Variants in CDKAL1 observed in about 807,000 individuals in gnomAD.
CDKAL1 encodes the protein CDKAL1 threonylcarbamoyladenosine tRNA methylthiotransferase.
A neutral mutation model predicts 68.2 loss-of-function variants in CDKAL1; 32 were observed. That is an observed-to-expected ratio of 0.47 (90% CI 0.35 to 0.63). The LOEUF (loss-of-function observed/expected upper bound fraction) is 0.63, where lower values mean the gene tolerates loss of function less well. Ranked by LOEUF, CDKAL1 falls within the 30% of genes least tolerant of loss-of-function variation. The pLI is 0.00. For missense variants in CDKAL1, 606 were observed against 696.7 expected (o/e 0.87, Z 1.47); for synonymous variants, 234 against 244.3 (o/e 0.96, Z 0.39).
intron 11 of CDKAL1, among the ~76,000 whole-genome samples, chr6:21,017,732 G>A (rs1768422983): frequency 2.0e-5 from 3 of 151,986 alleles, no homozygotes; most frequent in Admixed American, 2.0e-4. Flanking sequence ...TTATAAAATG[G>A]CTTGTTCTTC....
intron 8 of CDKAL1, among the ~76,000 whole-genome samples, chr6:20,838,008 A>G (rs1778023791): frequency 6.7e-6 from 1 of 149,924 alleles, no homozygotes; most frequent in Non-Finnish European, 1.5e-5. Flanking sequence ...TGATTTTTAT[A>G]TATGTATACA....
chr6:21,205,527 C>G (rs1778871308), intron 15 of CDKAL1, among the ~76,000 whole-genome samples: 1 of 145,026 alleles, frequency 6.9e-6, no homozygotes, highest in African/African-American at 2.7e-5. Context: ...ATGGGTCAAG[C>G]CTGTTTTGTT....
intron 8 of CDKAL1, among the ~76,000 whole-genome samples, chr6:20,814,653 C>T (rs1776967418): frequency 6.6e-6 from 1 of 152,214 alleles, no homozygotes; most frequent in African/African-American, 2.4e-5. Context: ...TTTTCCTTCA[C>T]TACTAAGTCA....
intron 9 of CDKAL1, 93 bp downstream of exon 9, chr6:20,846,271 T>C: frequency 1.5e-6 from 1 of 689,598 alleles, no homozygotes; most frequent in Non-Finnish European, 2.4e-6. Flanking sequence ...CCAACTTCTT[T>C]AGTTTTCTGA....
At chr6:20,711,130 G>T (rs1771824696) in intron 5 of CDKAL1, among the ~76,000 whole-genome samples, 1 of 152,112 alleles carries the variant, frequency 6.6e-6, no homozygotes, top group Admixed American at 6.5e-5. Flanking sequence ...AGAAGGAACA[G>T]GTAAAAAGCA....
intron 5 of CDKAL1, among the ~76,000 whole-genome samples, chr6:20,699,149 A>G (rs1030857488): frequency 1.3e-5 from 2 of 152,138 alleles, no homozygotes. Context: ...GATATTGAGC[A>G]ATATGTCAAA....
intron 8 of CDKAL1, among the ~76,000 whole-genome samples, chr6:20,825,828 G>A (rs1167413629): frequency 6.6e-6 from 1 of 152,034 alleles, no homozygotes; most frequent in Non-Finnish European, 1.5e-5. Context: ...TTCTAAATAT[G>A]GGTATGCTAC....
intron 9 of CDKAL1, among the ~76,000 whole-genome samples, chr6:20,934,689 GA>G (rs960878250): frequency 6.6e-6 from 1 of 151,348 alleles, no homozygotes; most frequent in Non-Finnish European, 1.5e-5. Context: ...TACAAAAACT[GA>G]AAAAAAATTA....
chr6:20,946,689 C>T (rs927768122), intron 9 of CDKAL1, among the ~76,000 whole-genome samples: 2 of 151,788 alleles, frequency 1.3e-5, no homozygotes, highest in African/African-American at 4.8e-5. Flanking sequence ...CCTCCACCTC[C>T]CGGGTTCAAG....
chr6:20,576,401 TGACTCC>T (rs544645506), intron 4 of CDKAL1, among the ~76,000 whole-genome samples: 481 of 152,332 alleles, frequency 3.2e-3, no homozygotes, highest in Non-Finnish European at 5.0e-3. Flanking sequence ...CAAGATGGCG[TGACTCC>T]TGGATATGGA....
At chr6:20,874,315 T>C (rs1760382377) in intron 9 of CDKAL1, among the ~76,000 whole-genome samples, 2 of 151,550 alleles carry the variant, frequency 1.3e-5, no homozygotes, top group Admixed American at 6.6e-5. Context: ...GTTTGTTTTT[T>C]TTTTGAGATG....
chr6:21,115,890 C>T (rs1774381102), intron 13 of CDKAL1, among the ~76,000 whole-genome samples: 1 of 152,180 alleles, frequency 6.6e-6, no homozygotes, highest in African/African-American at 2.4e-5. Context: ...TCTTCCCTCT[C>T]AAAGTGACCA....
chr6:20,990,269 A>G (rs1185204392), intron 10 of CDKAL1, among the ~76,000 whole-genome samples: 3 of 152,170 alleles, frequency 2.0e-5, no homozygotes, highest in Non-Finnish European at 4.4e-5. Flanking sequence ...GAAAAAAATA[A>G]AACACTGATA....
chr6:20,929,266 GT>G (rs954213848), intron 9 of CDKAL1, among the ~76,000 whole-genome samples: 2 of 152,250 alleles, frequency 1.3e-5, no homozygotes. Context: ...TGTCAGCTCA[GT>G]TTTTTTGGGG....
chr6:21,030,051 A>G (rs1424669176), intron 11 of CDKAL1, among the ~76,000 whole-genome samples: 2 of 152,236 alleles, frequency 1.3e-5, no homozygotes, highest in African/African-American at 2.4e-5. Flanking sequence ...CACTATTTAC[A>G]ATAGCAAAGA....
At chr6:20,834,032 C>T (rs1285953999) in intron 8 of CDKAL1, among the ~76,000 whole-genome samples, 8 of 152,152 alleles carry the variant, frequency 5.3e-5, no homozygotes, top group African/African-American at 1.2e-4. Flanking sequence ...GCATCTGATG[C>T]GTTCTCTAAG....
intron 13 of CDKAL1, among the ~76,000 whole-genome samples, chr6:21,183,525 C>CTTG (rs1777882028): frequency 1.3e-5 from 2 of 152,298 alleles, no homozygotes; most frequent in African/African-American, 4.8e-5. Context: ...AGCTCCAAGA[C>CTTG]AGTTTTCTAC....
intron 4 of CDKAL1, among the ~76,000 whole-genome samples, chr6:20,618,470 A>G (rs954766378): frequency 2.0e-5 from 3 of 152,072 alleles, no homozygotes; most frequent in Admixed American, 6.6e-5. Flanking sequence ...TTGCTGTTTT[A>G]GTCGTGAAGT....
chr6:20,803,203 G>T lies in CDKAL1; in HGVS notation c.638+21938G>T, dbSNP rs1393005377. 2.0e-5 allele frequency among the ~76,000 whole-genome samples: 3 copies of T among 152,206 alleles called. No homozygotes were observed. In the South Asian group the frequency reaches 6.2e-4, roughly 32 times the overall value. Reference sequence around the variant, plus strand: ...ACAAGGTAGAGGAACAGTGTTATTAGGAAGATTACCAACTCCTTAGGGTGG... The same window carrying T: ...ACAAGGTAGAGGAACAGTGTTATTATGAAGATTACCAACTCCTTAGGGTGG... On this transcript the variant is annotated intron_variant, in intron 8 of 15. Coordinates refer to ENST00000274695, the MANE Select transcript of CDKAL1 (RefSeq NM_017774.3).
Sources: gnomAD v4.1 joint callset for allele counts (sites outside exome capture counted in the v4.1 genomes callset) on GRCh38, gnomAD v4.1.1 for gene constraint, MANE v1.5 for transcripts, NCBI Gene and HGNC (gene_info 2026-07-23, HGNC 2026-07-21) for gene names.